The following SUMF1 variants were observed in gnomAD, a reference collection of about 807,000 sequenced individuals.
SUMF1 encodes the protein sulfatase modifying factor 1.
SUMF1 carries 48 observed loss-of-function variants against 47.6 expected under a neutral mutation model. The observed-to-expected ratio is 1.01, with a 90% CI of 0.80 to 1.28. The LOEUF (loss-of-function observed/expected upper bound fraction) is 1.28, where lower values mean the gene tolerates loss of function less well. Among genes scored for constraint, SUMF1 ranks in the 50% most tolerant of loss-of-function variants. The probability of loss-of-function intolerance (pLI) is 0.00; values close to 1 mark genes in which losing one functional copy is unlikely to be tolerated. For synonymous variants in SUMF1, 230 were observed against 192.1 expected (o/e 1.20, Z -1.63); for missense variants, 571 against 485.4 (o/e 1.18, Z -1.66).
chr3:4,209,925 C>T (rs1175971376), intron 8 of SUMF1, among the ~76,000 whole-genome samples: 1 of 152,106 alleles, frequency 6.6e-6, no homozygotes, highest in Non-Finnish European at 1.5e-5. Context: ...GGCAGAGTCT[C>T]ACTCTGTCAC....
At chr3:4,239,659 G>A (rs1696493294) in intron 8 of SUMF1, among the ~76,000 whole-genome samples, 2 of 152,296 alleles carry the variant, frequency 1.3e-5, no homozygotes, top group Admixed American at 1.3e-4. Flanking sequence ...ATTAGCTTAA[G>A]GAGATTTTGG....
intron 8 of SUMF1, among the ~76,000 whole-genome samples, chr3:4,198,498 C>T (rs1425442698): frequency 6.6e-6 from 1 of 152,064 alleles, no homozygotes; most frequent in Non-Finnish European, 1.5e-5. Context: ...GTGACTGTTC[C>T]TGAAAATTAA....
chr3:4,262,814 T>C (rs755705243), intron 8 of SUMF1, among the ~76,000 whole-genome samples: 21 of 152,142 alleles, frequency 1.4e-4, no homozygotes, highest in Non-Finnish European at 2.5e-4. Flanking sequence ...GATGTGTCAA[T>C]AGGCGAGGTC....
intron 8 of SUMF1, among the ~76,000 whole-genome samples, chr3:4,157,692 C>T (rs2587909): frequency 0.65 from 97,629 of 151,028 alleles, 32,235 homozygotes; most frequent in South Asian, 0.73. Context: ...TATCTCTATA[C>T]GCTTCTTTAT....
chr3:4,449,986 T>C (rs191485905), intron 2 of SUMF1, among the ~76,000 whole-genome samples: 2 of 152,328 alleles, frequency 1.3e-5, no homozygotes, highest in African/African-American at 4.8e-5. Flanking sequence ...TCTCCTAAAA[T>C]ATGTGGGCTC....
At chr3:4,404,208 T>C (rs1701303686) in intron 7 of SUMF1, among the ~76,000 whole-genome samples, 1 of 152,182 alleles carries the variant, frequency 6.6e-6, no homozygotes, top group Non-Finnish European at 1.5e-5. Flanking sequence ...GAGTAAACAT[T>C]AGTACTTCCT....
rs572191325 is a variant in SUMF1, at chr3:4,099,597, G to A, written c.1015-30852C>T. On this transcript the variant is annotated intron_variant and NMD_transcript_variant, in intron 8 of 12. Transcript: ENST00000448413. ...ACTACTTCTGTTTAACATAGTACTA[G>A]AAGTCCTAGCCAGAGTGATTAGGCA... Among the ~76,000 whole-genome samples the A allele has an allele frequency of 4.6e-5, 7 of 152,136 alleles. No individual in the cohort carries two copies. The South Asian group carries it at 1.0e-3, about 23-fold the overall frequency.
intron 8 of SUMF1, among the ~76,000 whole-genome samples, chr3:4,295,319 A>G (rs1697828281): frequency 6.6e-6 from 1 of 152,076 alleles, no homozygotes; most frequent in Non-Finnish European, 1.5e-5. Flanking sequence ...GGTGGTATCC[A>G]GCGAAATTAT....
At chr3:4,233,067 C>G (rs17040292) in intron 8 of SUMF1, among the ~76,000 whole-genome samples, 1,914 of 152,186 alleles carry the variant, frequency 0.013, 51 homozygotes, top group African/African-American at 0.044. Flanking sequence ...CACTCCTAAG[C>G]CAGGTTTTCA....
rs548683862 is a variant in SUMF1, at chr3:4,217,736, C to T, written c.1015-148991G>A. Among the ~76,000 whole-genome samples the T allele has an allele frequency of 9.7e-5, 11 of 113,378 alleles. No individual in the cohort carries two copies. The East Asian group carries it at 2.6e-3, about 27-fold the overall frequency. The allele number at this position is 113,378 out of a possible 152,430, so 74.4% of individuals were successfully genotyped here. A position where few individuals can be genotyped will look rare whatever the true frequency, so the allele number is the denominator to read the frequency against. ...TTAAAAAATATTTTTTATCTTTGAA[C>T]CACAAAATTTCTTAGCTATTTTTTT... On this transcript the variant is annotated intron_variant and NMD_transcript_variant, in intron 8 of 12. Coordinates refer to the SUMF1 transcript ENST00000448413.
intron 8 of SUMF1, among the ~76,000 whole-genome samples, chr3:4,129,995 G>C (rs1234957093): frequency 6.6e-6 from 1 of 152,114 alleles, no homozygotes; most frequent in Non-Finnish European, 1.5e-5. Flanking sequence ...CCAAATGGAA[G>C]ACATTAGAGC....
chr3:4,351,395 G>A lies in SUMF1; in HGVS notation c.1014+24935C>T, dbSNP rs1446086234. On this transcript the variant is annotated intron_variant and NMD_transcript_variant, in intron 8 of 12. Transcript: ENST00000448413. The stretch of plus-strand genomic sequence containing the variant: ...CTTTAGCCTCGTTTTACAAAGAGCA[G>A]GGGATTTAATCTTATCAAGGAAGTC... Among the ~76,000 whole-genome samples the A allele has an allele frequency of 4.6e-5, 7 of 152,158 alleles. No individual in the cohort carries two copies. In the East Asian group the frequency reaches 1.2e-3, roughly 25 times the overall value.
At chr3:4,246,422 G>A (rs1369039562) in intron 8 of SUMF1, among the ~76,000 whole-genome samples, 2 of 151,802 alleles carry the variant, frequency 1.3e-5, no homozygotes, top group Non-Finnish European at 2.9e-5. Context: ...TTTTGTTTTT[G>A]ACAGAGTCTC....
intron 8 of SUMF1, among the ~76,000 whole-genome samples, chr3:4,172,864 C>T (rs888338435): frequency 6.6e-6 from 1 of 152,154 alleles, no homozygotes; most frequent in Non-Finnish European, 1.5e-5. Context: ...TTAATTAGAT[C>T]CCATTTGTCA....
At chr3:4,081,813 A>T (rs1054289470) in intron 8 of SUMF1, among the ~76,000 whole-genome samples, 4 of 152,164 alleles carry the variant, frequency 2.6e-5, no homozygotes, top group Non-Finnish European at 5.9e-5. Context: ...TATTTTGTAG[A>T]TGTGTTTAAC....
At chr3:4,350,332 CGTGTGT>C (rs10674918) in intron 8 of SUMF1, among the ~76,000 whole-genome samples, 1 of 146,466 alleles carries the variant, frequency 6.8e-6, no homozygotes, top group Non-Finnish European at 1.5e-5. Flanking sequence ...TGTGTATATG[CGTGTGT>C]GTGTGTGTGT....
intron 8 of SUMF1, among the ~76,000 whole-genome samples, chr3:4,077,538 C>T (rs1423433966): frequency 6.6e-6 from 1 of 152,092 alleles, no homozygotes; most frequent in Non-Finnish European, 1.5e-5. Context: ...CCATCATTCT[C>T]AGCAAACTAT....
chr3:4,061,953 C>T (rs923065113), intron 9 of SUMF1, among the ~76,000 whole-genome samples: 17 of 151,960 alleles, frequency 1.1e-4, no homozygotes, highest in South Asian at 2.1e-4. Flanking sequence ...GATACCTGGT[C>T]CTCCCACCTC....
chr3:4,123,072 T>C (rs986433110), intron 8 of SUMF1, among the ~76,000 whole-genome samples: 1 of 151,876 alleles, frequency 6.6e-6, no homozygotes, highest in East Asian at 1.9e-4. Context: ...AAACATTGAG[T>C]AAAGTACACA....
Sources: allele counts gnomAD v4.1 joint callset (sites outside exome capture counted in the v4.1 genomes callset), GRCh38; gene constraint gnomAD v4.1.1; transcripts MANE v1.5; gene names NCBI Gene and HGNC (gene_info 2026-07-23, HGNC 2026-07-21).